CDH4: variants seen among roughly 807,000 people sequenced by gnomAD.
The protein encoded by CDH4 is cadherin 4.
A neutral mutation model predicts 86.0 loss-of-function variants in CDH4; 33 were observed. The observed-to-expected ratio is 0.38, with a 90% confidence interval of 0.29 to 0.51. CDH4 has a LOEUF of 0.51. Among genes scored for constraint, CDH4 ranks in the 20% least tolerant of loss-of-function variants. The pLI is 0.86. For missense variants in CDH4, 1,114 were observed against 1,307.4 expected (o/e 0.85, Z 2.28); for synonymous variants, 555 against 549.4 (o/e 1.01, Z -0.14).
At chr20:61,258,986 C>T (rs1331743395) in intron 2 of CDH4, among the ~76,000 whole-genome samples, 1 of 152,194 alleles carries the variant, frequency 6.6e-6, no homozygotes, top group Non-Finnish European at 1.5e-5. Context: ...ATTGCATTGT[C>T]ATGTGTGTCT....
In CDH4 at chr20:61,829,599, C is replaced by A. The variant is rs150758667; in HGVS notation, c.577-15069C>A. Reference sequence around the variant, plus strand: ...TGTTTTCCACGGCGGCTCTGCGGGCCTCCTGTTGAGGAAGCCCTGGCGAGT... The same window carrying A: ...TGTTTTCCACGGCGGCTCTGCGGGCATCCTGTTGAGGAAGCCCTGGCGAGT... On this transcript the variant is annotated intron_variant, in intron 4 of 15. Transcript: ENST00000614565. The surrounding 1 kb of genome is among the most constrained non-coding windows in gnomAD (Gnocchi z 4.2). 9.1e-4 allele frequency among the ~76,000 whole-genome samples: 138 copies of A among 152,346 alleles called. No homozygotes were observed. The highest frequency in any genetic ancestry group is 3.2e-3 in the African/African-American group (132 of 41,588).
intron 2 of CDH4, among the ~76,000 whole-genome samples, chr20:61,461,160 A>G (rs371246426): frequency 2.6e-5 from 4 of 152,174 alleles, no homozygotes; most frequent in African/African-American, 9.7e-5. Context: ...AAATTATTTT[A>G]AAGAGAATAT....
chr20:61,265,511 T>C (rs1467993623), intron 2 of CDH4, among the ~76,000 whole-genome samples: 2 of 147,852 alleles, frequency 1.4e-5, no homozygotes, highest in Non-Finnish European at 3.0e-5. Context: ...CCTACACATA[T>C]CTCAGTGGTT....
rs1979291919 is a variant in CDH4 at position 61,792,999 on chromosome 20, G to A, written c.576+19817G>A. On this transcript the variant is annotated intron_variant, in intron 4 of 15. Transcript: ENST00000614565. ...TGTTTTTGAGACAGAGTTTCACTCTGTTGCCCAGGCTGGAGTGCAGTAGTG... is the reference window on the plus strand; with the variant it reads ...TGTTTTTGAGACAGAGTTTCACTCTATTGCCCAGGCTGGAGTGCAGTAGTG... Among the ~76,000 whole-genome samples the A allele has an allele frequency of 2.7e-5, 4 of 150,628 alleles. No homozygotes were observed. The Admixed American group carries it at 2.7e-4, about 10-fold the overall frequency.
chr20:61,473,736 TACACACAC>T (rs201304833), intron 2 of CDH4, among the ~76,000 whole-genome samples: 1 of 151,662 alleles, frequency 6.6e-6, no homozygotes, highest in South Asian at 2.1e-4. Context: ...CATGCACACA[TACACACAC>T]ACAGACACGC....
intron 2 of CDH4, among the ~76,000 whole-genome samples, chr20:61,701,973 G>C (rs777449649): frequency 6.6e-6 from 1 of 152,190 alleles, no homozygotes; most frequent in Non-Finnish European, 1.5e-5. Flanking sequence ...CTCCTCCTTC[G>C]TCAGCTGATT....
chr20:61,296,747 T>C (rs2084357380), intron 2 of CDH4, among the ~76,000 whole-genome samples: 1 of 152,148 alleles, frequency 6.6e-6, no homozygotes, highest in Admixed American at 6.5e-5. Context: ...TGGGGTGATA[T>C]TCTGGAAAGA....
At chr20:61,672,045 A>G (rs2087395674) in intron 2 of CDH4, among the ~76,000 whole-genome samples, 1 of 132,040 alleles carries the variant, frequency 7.6e-6, no homozygotes, top group Non-Finnish European at 1.6e-5. Flanking sequence ...GGGTGGATAG[A>G]TAGATAAATA....
intron 2 of CDH4, among the ~76,000 whole-genome samples, chr20:61,500,750 T>A (rs529636671): frequency 1.7e-4 from 26 of 152,342 alleles, no homozygotes; most frequent in African/African-American, 6.0e-4. Flanking sequence ...ATATTTAGTC[T>A]TTATAAATCC....
intron 2 of CDH4, among the ~76,000 whole-genome samples, chr20:61,565,464 C>T (rs537896363): frequency 1.3e-5 from 2 of 148,562 alleles, no homozygotes; most frequent in African/African-American, 4.9e-5. Context: ...CATGTAACAA[C>T]CCTAGAAAGG....
intron 3 of CDH4, among the ~76,000 whole-genome samples, chr20:61,747,723 G>A (rs1057050849): frequency 6.6e-5 from 10 of 152,160 alleles, no homozygotes; most frequent in Non-Finnish European, 1.0e-4. Context: ...GCTCTAAAGC[G>A]TGAAGAGATA....
At chr20:61,439,017 G>A (rs1398375759) in intron 2 of CDH4, among the ~76,000 whole-genome samples, 3 of 151,844 alleles carry the variant, frequency 2.0e-5, no homozygotes, top group Admixed American at 6.6e-5. Flanking sequence ...GCTTTTCAAC[G>A]CCTCTTTCAT....
At chr20:61,634,887 T>G (rs1256356126) in intron 2 of CDH4, among the ~76,000 whole-genome samples, 5 of 152,228 alleles carry the variant, frequency 3.3e-5, no homozygotes, top group Non-Finnish European at 7.3e-5. Flanking sequence ...TATGCTCACA[T>G]AAATGGAACC....
At position 61,299,956 on chromosome 20, in the gene CDH4, G is replaced by A. The variant is rs147207148; in HGVS notation, c.169+45019G>A. The stretch of plus-strand genomic sequence containing the variant: ...TGCCAGTGTGTCCATTTGTAATGAT[G>A]TGTAGAGGGGGGACCAGGTTTGGGG... On this transcript the variant is annotated intron_variant, in intron 2 of 15. Coordinates refer to ENST00000614565, the MANE Select transcript of CDH4 (RefSeq NM_001794.5). Among the ~76,000 whole-genome samples the A allele has an allele frequency of 5.5e-3, 842 of 152,354 alleles. 6 individuals are homozygous for A. The highest frequency in any genetic ancestry group is 0.019 in the African/African-American group (808 of 41,568).
At chr20:61,593,528 A>G (rs1406358297) in intron 2 of CDH4, among the ~76,000 whole-genome samples, 4 of 152,188 alleles carry the variant, frequency 2.6e-5, no homozygotes, top group African/African-American at 9.7e-5. Flanking sequence ...TTCCAGTTTC[A>G]TGTTTTAGTT....
intron 6 of CDH4, among the ~76,000 whole-genome samples, chr20:61,865,055 G>A (rs944364979): frequency 3.3e-5 from 5 of 152,194 alleles, no homozygotes; most frequent in Non-Finnish European, 7.4e-5. Context: ...ATCTGTGTGC[G>A]CCCAGACCTC....
At chr20:61,775,103 G>T (rs2088822780) in intron 4 of CDH4, among the ~76,000 whole-genome samples, 1 of 152,176 alleles carries the variant, frequency 6.6e-6, no homozygotes, top group African/African-American at 2.4e-5. Flanking sequence ...TTGCCACACT[G>T]TTTATCCCCA....
chr20:61,643,175 G>A (rs1453936906), intron 2 of CDH4, among the ~76,000 whole-genome samples: 1 of 152,210 alleles, frequency 6.6e-6, no homozygotes, highest in Non-Finnish European at 1.5e-5. Flanking sequence ...CATGCACTGT[G>A]TCATAACATG....
At chr20:61,881,443 G>A (rs1476745722) in intron 7 of CDH4, among the ~76,000 whole-genome samples, 1 of 152,232 alleles carries the variant, frequency 6.6e-6, no homozygotes, top group East Asian at 1.9e-4. Flanking sequence ...GCTCCCCAGC[G>A]AGCCGCTCCC....
Sources: gnomAD v4.1 joint callset for allele counts (sites outside exome capture counted in the v4.1 genomes callset) on GRCh38, gnomAD v4.1.1 for gene constraint, Gnocchi (gnomAD v3.1) non-coding constraint, MANE v1.5 for transcripts, NCBI Gene and HGNC (gene_info 2026-07-23, HGNC 2026-07-21) for gene names.